Variants in CABP1 observed in about 807,000 individuals in gnomAD.
CABP1 encodes the protein calcium-binding protein 1.
In CABP1, 17 loss-of-function variants were observed where a neutral mutation model predicts 34.3. The observed-to-expected ratio is 0.50, with a 90% CI of 0.34 to 0.74. The LOEUF (loss-of-function observed/expected upper bound fraction) is 0.74. CABP1 is among the 30% of genes least tolerant of loss of function. CABP1 has a pLI of 0.01. For synonymous variants in CABP1, 198 were observed against 229.2 expected (o/e 0.86, Z 1.23); for missense variants, 373 against 511.1 (o/e 0.73, Z 2.61).
chr12:120,675,747 T>G, the CABP1 span, among the ~76,000 whole-genome samples: 1 of 152,198 alleles, frequency 6.6e-6, no homozygotes. Context: ...TTGTCCAGCA[T>G]AGTGTCTTCA....
the CABP1 span, among the ~76,000 whole-genome samples, chr12:120,673,630 C>G: frequency 3.9e-5 from 6 of 152,022 alleles, no homozygotes; most frequent in South Asian, 2.1e-4. Flanking sequence ...AGTGCAGGTT[C>G]AGGAGCCAGC....
At position 120,640,759 on chromosome 12, in the gene CABP1, G is replaced by C; in HGVS notation, c.74G>C (p.Gly25Ala). ...CGCCTCCAGCGCGTCCTCGGGCTTG[G>C]CTCCCGCCGGGAGCCCCGTTCTCTG... Reference protein sequence around the residue: ...GARLQRVLGLGSRREPRSLPA... With the variant: ...GARLQRVLGLASRREPRSLPA... The change falls in exon 1 of 6, where the codon GGC (glycine) becomes GCC (alanine). Residue 25 changes from glycine to alanine, a missense_variant. This residue lies in a region of CABP1 where 134 missense variants were observed against 145.4 expected (regional missense o/e 0.92). Coordinates refer to ENST00000316803, the MANE Select transcript of CABP1 (RefSeq NM_001033677.2). This position sits in a 1 kb window ranked among gnomAD's most constrained non-coding sequence, Gnocchi z 6.2. 1 of 1,164,224 alleles carries C rather than the reference G, an allele frequency of 8.6e-7. No individual in the cohort carries two copies. The highest frequency in any genetic ancestry group is 3.9e-5 in the South Asian group (1 of 25,454). The allele number at this position is 1,164,224 out of a possible 1,614,324, so 72.1% of individuals were successfully genotyped here. A position where few individuals can be genotyped will look rare whatever the true frequency, so the allele number is the denominator to read the frequency against.
chr12:120,666,781 T>C, intron 5 of CABP1, 94 bp from the exon 6 acceptor site: 3 of 1,353,666 alleles, frequency 2.2e-6, no homozygotes, highest in Non-Finnish European at 1.0e-6. Flanking sequence ...CAGCACAGAG[T>C]TGGGGCAGTG....
Position 120,660,192 on chromosome 12 carries a change from C to T in CABP1, c.686-4C>T. The T allele has an allele frequency of 6.2e-7, 1 of 1,614,054 alleles. No individual in the cohort carries two copies. On this transcript the variant is annotated splice_region_variant and splice_polypyrimidine_tract_variant and intron_variant, in intron 2 of 5. Transcript: ENST00000316803. The surrounding 1 kb of genome is among the most constrained non-coding windows in gnomAD (Gnocchi z 5.0). ...ACCACATCCACCTTTGCTCACTTCCCCAGAGCTCCGAGAGGCCTTCAGAGA... is the reference window on the plus strand; with the variant it reads ...ACCACATCCACCTTTGCTCACTTCCTCAGAGCTCCGAGAGGCCTTCAGAGA...
At chr12:120,673,320 C>T in the CABP1 span, among the ~76,000 whole-genome samples, 3 of 152,150 alleles carry the variant, frequency 2.0e-5, no homozygotes, top group Admixed American at 6.6e-5. Context: ...CGTGGTGGCT[C>T]ACACCTGTAA....
At chr12:120,649,918 G>A (rs544216604) in intron 1 of CABP1, among the ~76,000 whole-genome samples, 4 of 152,276 alleles carry the variant, frequency 2.6e-5, no homozygotes, top group Admixed American at 2.0e-4. Context: ...ATTGCCAGGG[G>A]CAGTGAGTGC....
In CABP1 at chr12:120,641,203, G is replaced by A. The variant is rs1366145045; in HGVS notation, c.518G>A (p.Arg173Gln). Residue 173 changes from arginine (R) to glutamine (Q), a missense_variant, in exon 1 of 6, where the codon CGG becomes CAG. Around this residue, in one of 4 missense-constraint regions of CABP1, gnomAD observed 121 missense variants for 125.5 expected, o/e 0.96. Coordinates refer to ENST00000316803, the MANE Select transcript of CABP1 (RefSeq NM_001033677.2). The surrounding 1 kb of genome is among the most constrained non-coding windows in gnomAD (Gnocchi z 6.7). ...PPARGRDGEE[R>Q]GLSPALGLRG... ...GCCCGCGGGCGGGATGGGGAGGAAC[G>A]GGGACTGTCCCCGGCGCTCGGCCTC... 7 of 1,251,684 alleles carry A rather than the reference G, an allele frequency of 5.6e-6. No homozygotes were observed. The highest frequency in any genetic ancestry group is 3.1e-4 in the Middle Eastern group (1 of 3,252). The allele number at this position is 1,251,684 out of a possible 1,614,324, so 77.5% of individuals were successfully genotyped here.
Position 120,641,346 on chromosome 12 carries a change from G to A in CABP1, c.654+7G>A, listed in dbSNP as rs1024429558. 1.8e-5 allele frequency: 23 copies of A among 1,280,338 alleles called. No homozygotes were observed. Among genetic ancestry groups the A allele is most frequent in the Non-Finnish European group, 2.2e-5 (22 of 1,012,938 alleles). The allele number at this position is 1,280,338 out of a possible 1,614,324, so 79.3% of individuals were successfully genotyped here. ...CAGCTCCGCCTTTGGCCAGGTAAGGGCCGCGCCTCCCGTCAGCGCTCCCGG... is the reference window on the plus strand; with the variant it reads ...CAGCTCCGCCTTTGGCCAGGTAAGGACCGCGCCTCCCGTCAGCGCTCCCGG... On this transcript the variant is annotated splice_region_variant and intron_variant, in intron 1 of 5. Transcript: ENST00000316803. The surrounding 1 kb of genome is among the most constrained non-coding windows in gnomAD (Gnocchi z 6.7).
At chr12:120,650,786 T>C in intron 1 of CABP1, 2 of 1,185,630 alleles carry the variant, frequency 1.7e-6, no homozygotes, top group South Asian at 2.5e-5. Context: ...TTGCTATCCT[T>C]CCCAGGGGTT....
chr12:120,647,082 A>G (rs1014587973), intron 1 of CABP1, among the ~76,000 whole-genome samples: 10 of 152,232 alleles, frequency 6.6e-5, no homozygotes, highest in African/African-American at 2.2e-4. Flanking sequence ...CAAGGTCGAC[A>G]AGTGGGTGCT....
chr12:120,664,365 C>T (rs1880836742), intron 5 of CABP1, among the ~76,000 whole-genome samples: 1 of 152,134 alleles, frequency 6.6e-6, no homozygotes, highest in Non-Finnish European at 1.5e-5. Context: ...AATTAGAGCC[C>T]CCCAAAATGG....
downstream of CABP1, among the ~76,000 whole-genome samples, chr12:120,669,737 C>T (rs572818876): frequency 7.4e-5 from 11 of 148,610 alleles, no homozygotes; most frequent in African/African-American, 2.8e-4. Context: ...CTGGGTGACA[C>T]AGTGAGACTC....
At chr12:120,655,524 G>A in intron 1 of CABP1, 1 of 1,163,198 alleles carries the variant, frequency 8.6e-7, no homozygotes, top group Non-Finnish European at 1.1e-6. Flanking sequence ...GCACCTGCAT[G>A]TGCAACCTCT....
At chr12:120,646,677 TAATTTTAA>T (rs1879550991) in intron 1 of CABP1, among the ~76,000 whole-genome samples, 1 of 152,112 alleles carries the variant, frequency 6.6e-6, no homozygotes, top group Non-Finnish European at 1.5e-5. Flanking sequence ...CATGCCTGGC[TAATTTTAA>T]AATTTTTAAT....
downstream of CABP1, among the ~76,000 whole-genome samples, chr12:120,668,334 T>A (rs950881367): frequency 1.5e-4 from 23 of 152,078 alleles, no homozygotes; most frequent in African/African-American, 5.5e-4. Context: ...TCTACAAAAA[T>A]AGAAAAATTA....
chr12:120,671,347 G>A (rs142127994), downstream of CABP1, among the ~76,000 whole-genome samples: 1,262 of 152,290 alleles, frequency 8.3e-3, 28 homozygotes, highest in East Asian at 0.046. Flanking sequence ...GCAGTGAGCC[G>A]AGATTGCGCC....
intron 1 of CABP1, chr12:120,650,486 C>A (rs1401070786): frequency 6.6e-7 from 1 of 1,510,948 alleles, no homozygotes; most frequent in African/African-American, 1.4e-5. Context: ...AGAGAGCACG[C>A]GCGCAAGAGA....
intron 1 of CABP1, among the ~76,000 whole-genome samples, chr12:120,649,085 G>T (rs539200476): frequency 6.6e-6 from 1 of 151,716 alleles, no homozygotes; most frequent in East Asian, 1.9e-4. Flanking sequence ...CCCTCCAGAG[G>T]TTTGGCCCAA....
At chr12:120,647,742 A>ATTTT (rs11393885) in intron 1 of CABP1, among the ~76,000 whole-genome samples, 1 of 130,472 alleles carries the variant, frequency 7.7e-6, no homozygotes, top group African/African-American at 2.9e-5. Context: ...TAACTTTTGT[A>ATTTT]TTTTTTTTTT....
Sources: allele counts gnomAD v4.1 joint callset (sites outside exome capture counted in the v4.1 genomes callset), GRCh38; gene constraint gnomAD v4.1.1; regional missense constraint gnomAD v4.1.1; non-coding constraint Gnocchi (gnomAD v3.1); transcripts MANE v1.5; gene names NCBI Gene and HGNC (gene_info 2026-07-23, HGNC 2026-07-21).